Variants in CLIP4 observed in about 807,000 individuals in gnomAD.
The protein encoded by CLIP4 is CAP-Gly domain containing linker protein family member 4, also known as CAP-Gly domain-containing linker protein 4.
CLIP4 carries 47 observed loss-of-function variants against 73.1 expected under a neutral mutation model. That is an observed-to-expected ratio of 0.64 (90% CI 0.51 to 0.82). CLIP4 has a LOEUF of 0.82. Ranked by LOEUF, CLIP4 falls within the 40% of genes least tolerant of loss-of-function variation. The pLI is 0.00. For missense variants in CLIP4, 874 were observed against 852.9 expected, an observed-to-expected ratio of 1.02 and a Z score of -0.31; for synonymous variants, 306 against 295.4, an observed-to-expected ratio of 1.04 and a Z score of -0.37.
At chr2:29,138,101 A>G (rs964922000) in intron 6 of CLIP4, among the ~76,000 whole-genome samples, 2 of 152,110 alleles carry the variant, frequency 1.3e-5, no homozygotes, top group Non-Finnish European at 2.9e-5. Flanking sequence ...CTAGAAGAGT[A>G]TTTCCTAGGT....
rs748686887 is a variant in CLIP4, at chr2:29,183,429, T to G, written c.*1536T>G. 6.6e-6 allele frequency: 1 copy of G among 152,656 alleles called. No individual in the cohort carries two copies. Among genetic ancestry groups the G allele is most frequent in the Non-Finnish European group, 1.5e-5 (1 of 68,034 alleles). The allele number at this position is 152,656 out of a possible 1,614,324, so 9.5% of individuals were successfully genotyped here. On this transcript the variant is annotated 3_prime_UTR_variant, in exon 16 of 16. Transcript: ENST00000320081. The stretch of plus-strand genomic sequence containing the variant: ...AGGCTGCTTTGTAATCAAGGAATAT[T>G]TTTATTGATTGAAGGAAATGACTGT...
At chr2:29,122,913 C>T (rs988879128) in intron 2 of CLIP4, among the ~76,000 whole-genome samples, 13 of 152,018 alleles carry the variant, frequency 8.6e-5, no homozygotes, top group Non-Finnish European at 1.9e-4. Flanking sequence ...CACTCACCTC[C>T]CTGTGTAGAC....
At chr2:29,172,090 T>A in intron 14 of CLIP4, among the ~76,000 whole-genome samples, 1 of 151,624 alleles carries the variant, frequency 6.6e-6, no homozygotes, top group East Asian at 1.9e-4. Context: ...TAGTAATTAC[T>A]GTAGATAATT....
At chr2:29,179,093 C>T (rs566323070) in intron 15 of CLIP4, among the ~76,000 whole-genome samples, 7 of 152,330 alleles carry the variant, frequency 4.6e-5, no homozygotes, top group Admixed American at 4.6e-4. Flanking sequence ...CTGCGCCCAG[C>T]CTCTTTTTTT....
chr2:29,160,583 G>A, intron 12 of CLIP4, 116 bp downstream of exon 12: 3 of 1,131,668 alleles, frequency 2.7e-6, no homozygotes, highest in Non-Finnish European at 3.8e-6. Flanking sequence ...TTTTGTGGAT[G>A]GCAGCTATAG....
chr2:29,136,573 G>A (rs1359307019), intron 6 of CLIP4, among the ~76,000 whole-genome samples: 2 of 152,042 alleles, frequency 1.3e-5, no homozygotes, highest in Non-Finnish European at 2.9e-5. Flanking sequence ...CAGTTTTACT[G>A]TAGTGTGCTA....
At position 29,115,418 on chromosome 2, in the gene CLIP4, C is replaced by T. The variant is rs1663713343; in HGVS notation, c.-263C>T. The T allele has an allele frequency of 1.3e-5, 2 of 150,774 alleles. No homozygotes were observed. The highest frequency in any genetic ancestry group is 2.4e-5 in the African/African-American group (1 of 41,224). 9.3% of individuals were successfully genotyped at this position (150,774 alleles called of 1,614,324 possible). ...GCAGGCGCGCGCTGCCTCCTCCGTC[C>T]CCACCGAGTCCCCAGCGCGTGCGCG... On this transcript the variant is annotated 5_prime_UTR_variant, in exon 1 of 16. Coordinates refer to ENST00000320081, the MANE Select transcript of CLIP4 (RefSeq NM_024692.6). The surrounding 1 kb of genome is among the most constrained non-coding windows in gnomAD (Gnocchi z 5.1).
At chr2:29,156,490 G>T in intron 10 of CLIP4, 47 bp downstream of exon 10, 1 of 1,346,846 alleles carries the variant, frequency 7.4e-7, no homozygotes, top group Non-Finnish European at 1.0e-6. Flanking sequence ...ACTTTTGATG[G>T]AACTTTAAAA....
rs908021580 is a variant in CLIP4 at position 29,181,794 on chromosome 2, C to T, written c.2019C>T (p.Arg673=). 1 of 1,614,046 alleles carries T rather than the reference C, an allele frequency of 6.2e-7. No homozygotes were observed. Among genetic ancestry groups the T allele is most frequent in the African/African-American group, 1.3e-5 (1 of 74,900 alleles). ...GKNDGSVGDK[R]YFTCKPNHGV... Reference sequence around the variant, plus strand: ...ATGATGGGTCAGTGGGTGACAAGCGCTATTTCACCTGTAAGCCGAACCATG... The same window carrying T: ...ATGATGGGTCAGTGGGTGACAAGCGTTATTTCACCTGTAAGCCGAACCATG... Residue 673 remains arginine, a synonymous_variant, in exon 16 of 16, where the codon CGC becomes CGT. Transcript: ENST00000320081.
chr2:29,165,908 T>C (rs2148070444), intron 13 of CLIP4, among the ~76,000 whole-genome samples: 1 of 152,134 alleles, frequency 6.6e-6, no homozygotes, highest in South Asian at 2.1e-4. Context: ...GTTTTTTACT[T>C]TTTTTTGATT....
intron 12 of CLIP4, 76 bp downstream of exon 12, chr2:29,160,543 T>A: frequency 2.0e-6 from 3 of 1,513,778 alleles, no homozygotes; most frequent in Non-Finnish European, 9.0e-7. Flanking sequence ...GTAAATAGAA[T>A]TTAATTGTAG....
intron 1 of CLIP4, among the ~76,000 whole-genome samples, chr2:29,107,783 C>T (rs1438473956): frequency 1.3e-5 from 2 of 150,632 alleles, no homozygotes; most frequent in Non-Finnish European, 3.0e-5. Context: ...ATCTCCTGGG[C>T]TCAAGCGAGC....
intron 14 of CLIP4, among the ~76,000 whole-genome samples, chr2:29,169,013 T>TTTTTTC (rs1425952890): frequency 5.3e-5 from 8 of 152,082 alleles, no homozygotes; most frequent in African/African-American, 1.9e-4. Context: ...AAATGATTTG[T>TTTTTTC]ATGATACCAA....
Position 29,100,871 on chromosome 2 carries a change from A to T in CLIP4, c.-16+2924A>T, listed in dbSNP as rs536824499. On this transcript the variant is annotated intron_variant, in intron 1 of 14. Coordinates refer to the CLIP4 transcript ENST00000401605. ...CATTGTATTAGGGTGCTTTAGAGGG[A>T]CAGAACTAATAGGATAGATGTATAA... 2.6e-5 allele frequency among the ~76,000 whole-genome samples: 4 copies of T among 152,198 alleles called. 1 individual carries two copies. In the East Asian group the frequency reaches 7.8e-4, roughly 30 times the overall value.
chr2:29,170,155 C>CA (rs1667910729), intron 14 of CLIP4, among the ~76,000 whole-genome samples: 1 of 152,114 alleles, frequency 6.6e-6, no homozygotes, highest in Non-Finnish European at 1.5e-5. Context: ...TCCATTCATC[C>CA]ATTGGTGGAC....
At chr2:29,148,791 G>A (rs1666347651) in intron 8 of CLIP4, among the ~76,000 whole-genome samples, 1 of 152,190 alleles carries the variant, frequency 6.6e-6, no homozygotes, top group Non-Finnish European at 1.5e-5. Flanking sequence ...TATACTGAGA[G>A]AATATGAAAC....
chr2:29,125,474 T>C (rs1443125597), intron 2 of CLIP4, among the ~76,000 whole-genome samples: 2 of 152,156 alleles, frequency 1.3e-5, no homozygotes, highest in Non-Finnish European at 2.9e-5. Context: ...CCGCCTCAAG[T>C]TCCCCAGACT....
At chr2:29,140,772 C>G (rs1213622766) in intron 6 of CLIP4, among the ~76,000 whole-genome samples, 1 of 152,208 alleles carries the variant, frequency 6.6e-6, no homozygotes, top group Non-Finnish European at 1.5e-5. Context: ...GATCGCCATT[C>G]TAACAGGTGT....
At chr2:29,171,276 A>G (rs1306900770) in intron 14 of CLIP4, among the ~76,000 whole-genome samples, 1 of 152,132 alleles carries the variant, frequency 6.6e-6, no homozygotes, top group Non-Finnish European at 1.5e-5. Flanking sequence ...TTCTTCCATC[A>G]GAGTTTTATA....
Sources: allele counts gnomAD v4.1 joint callset (sites outside exome capture counted in the v4.1 genomes callset), GRCh38; gene constraint gnomAD v4.1.1; non-coding constraint Gnocchi (gnomAD v3.1); transcripts MANE v1.5; gene names NCBI Gene and HGNC (gene_info 2026-07-23, HGNC 2026-07-21).